NCAPD2: variants seen among roughly 807,000 people sequenced by gnomAD.
NCAPD2 encodes the protein condensin complex subunit 1.
A neutral mutation model predicts 164.5 loss-of-function variants in NCAPD2; 100 were observed. That is an observed-to-expected ratio of 0.61 (90% CI 0.52 to 0.72). The LOEUF (loss-of-function observed/expected upper bound fraction) is 0.72, where lower values mean the gene tolerates loss of function less well. NCAPD2 is among the 30% of genes least tolerant of loss of function. NCAPD2 has a pLI of 0.00. For missense variants in NCAPD2, 1,560 were observed against 1,749.2 expected, an observed-to-expected ratio of 0.89 and a Z score of 1.93; for synonymous variants, 585 against 642.6, an observed-to-expected ratio of 0.91 and a Z score of 1.36.
chr12:6,525,570 C>T lies in NCAPD2; in HGVS notation c.2215-13C>T, dbSNP rs774484764. 1.8e-5 allele frequency: 29 copies of T among 1,584,220 alleles called. No homozygotes were observed. Among genetic ancestry groups the T allele is most frequent in the Middle Eastern group, 1.7e-4 (1 of 5,964 alleles). ...TTCATTTTTGGCTTGAGCCCTTTTT[C>T]TTTTCTCTTTAGCTCTGTGAGTTTG... On this transcript the variant is annotated splice_polypyrimidine_tract_variant and intron_variant, in intron 17 of 31. Transcript: ENST00000315579.
intron 2 of NCAPD2, among the ~76,000 whole-genome samples, chr12:6,503,559 C>G (rs1343152165): frequency 6.6e-6 from 1 of 152,038 alleles, no homozygotes; most frequent in Non-Finnish European, 1.5e-5. Flanking sequence ...ATCACAAGGT[C>G]AGGAGTTCGA....
chr12:6,519,134 C>T (rs1180260373), intron 13 of NCAPD2, among the ~76,000 whole-genome samples: 2 of 152,176 alleles, frequency 1.3e-5, no homozygotes, highest in African/African-American at 4.8e-5. Flanking sequence ...TCGTGATCCG[C>T]CTGCCTCGGC....
intron 17 of NCAPD2, among the ~76,000 whole-genome samples, chr12:6,524,089 A>G (rs189865599): frequency 2.8e-4 from 43 of 152,318 alleles, no homozygotes; most frequent in African/African-American, 9.6e-4. Context: ...AAAGTTTGAG[A>G]TTCAAACTCA....
intron 2 of NCAPD2, 49 bp from the exon 3 acceptor site, chr12:6,509,668 A>C: frequency 3.2e-6 from 5 of 1,547,364 alleles, no homozygotes; most frequent in Non-Finnish European, 4.5e-6. Context: ...GAATTTACTG[A>C]AAAGGTTTCT....
intron 2 of NCAPD2, among the ~76,000 whole-genome samples, chr12:6,505,817 A>C (rs148864737): frequency 3.9e-4 from 58 of 148,598 alleles, no homozygotes; most frequent in Admixed American, 1.4e-3. Flanking sequence ...GTGAGCTGAG[A>C]TTGTGTCACT....
At chr12:6,514,202 A>G in intron 6 of NCAPD2, 63 bp from the exon 7 acceptor site, 1 of 1,601,954 alleles carries the variant, frequency 6.2e-7, no homozygotes, top group Non-Finnish European at 8.5e-7. Context: ...TGAATGAGGC[A>G]GGGCTCTGAT....
In NCAPD2 at chr12:6,514,901, T is replaced by C; in HGVS notation, c.968T>C (p.Leu323Pro). ...AILMSSMCIL[L>P]DHLDGENYMM... is the part of the protein sequence containing the mutation. ...CTGATGTCCAGCATGTGCATTTTGC[T>C]AGATCACCTGGATGGAGAAGTAGGT... The change falls in exon 9 of 32, where the codon CTA becomes CCA. Residue 323 changes from leucine to proline, a missense_variant. Coordinates refer to ENST00000315579, the MANE Select transcript of NCAPD2 (RefSeq NM_014865.4). The C allele has an allele frequency of 6.2e-7, 1 of 1,614,232 alleles. No individual in the cohort carries two copies.
At chr12:6,520,180 C>CCA in intron 13 of NCAPD2, among the ~76,000 whole-genome samples, 1 of 112,328 alleles carries the variant, frequency 8.9e-6, no homozygotes, top group South Asian at 2.5e-4. Context: ...GACTCTGTCT[C>CCA]TAAAAAAAAA....
In NCAPD2 at chr12:6,527,951, A is replaced by C; in HGVS notation, c.3020-17A>C. The C allele has an allele frequency of 6.2e-7, 1 of 1,614,232 alleles. No homozygotes were observed. Among genetic ancestry groups the C allele is most frequent in the African/African-American group, 1.3e-5 (1 of 75,066 alleles). Reference sequence around the variant, plus strand: ...TTAAGATAACCTGTCCCAAACCTGCAGTTACTCTTCCAACAGGCAAACAGA... The same window carrying C: ...TTAAGATAACCTGTCCCAAACCTGCCGTTACTCTTCCAACAGGCAAACAGA... On this transcript the variant is annotated splice_polypyrimidine_tract_variant and intron_variant, in intron 23 of 31. Transcript: ENST00000315579.
rs149932087 is a variant in NCAPD2 at position 6,516,067 on chromosome 12, G to A, written c.988-761G>A. Among the ~76,000 whole-genome samples, 433 of 151,592 alleles carry A rather than the reference G, an allele frequency of 2.9e-3. 16 individuals carry two copies. The East Asian group carries it at 0.068, about 24-fold the overall frequency. ...AAAAATTAGCTGGGTGTGGTGGCGCGCACCTGTAATCCTAGCTACTCGGGA... is the reference window on the plus strand; with the variant it reads ...AAAAATTAGCTGGGTGTGGTGGCGCACACCTGTAATCCTAGCTACTCGGGA... On this transcript the variant is annotated intron_variant, in intron 9 of 31. Coordinates refer to ENST00000315579, the MANE Select transcript of NCAPD2 (RefSeq NM_014865.4).
In NCAPD2 at chr12:6,522,989, G is replaced by A. The variant is rs1003337409; in HGVS notation, c.2116G>A (p.Gly706Arg). 1.2e-6 allele frequency: 2 copies of A among 1,614,048 alleles called. No individual in the cohort carries two copies. The highest frequency in any genetic ancestry group is 1.3e-5 in the African/African-American group (1 of 74,908). The change falls in exon 16 of 32, where the codon GGG (glycine) becomes AGG (arginine). Residue 706 changes from glycine (G) to arginine (R), a missense_variant. Coordinates refer to ENST00000315579, the MANE Select transcript of NCAPD2 (RefSeq NM_014865.4). ...AYRQLYLNPK[G>R]DSARAKAQAL... ...CCGCCAACTCTACCTCAACCCCAAA[G>A]GGGACTCTGCCAGGTATATGGGGTG...
chr12:6,521,250 T>C (rs912276806), intron 14 of NCAPD2, 140 bp downstream of exon 14: 1 of 1,077,016 alleles, frequency 9.3e-7, no homozygotes, highest in Non-Finnish European at 1.3e-6. Context: ...ACTTTTGCTC[T>C]GGAATGGAAG....
In NCAPD2 at chr12:6,514,594, C is replaced by T. The variant is rs187721028; in HGVS notation, c.839+7C>T. 131 of 1,614,154 alleles carry T rather than the reference C, an allele frequency of 8.1e-5. No homozygotes were observed. Among genetic ancestry groups the T allele is most frequent in the Admixed American group, 5.5e-4 (33 of 60,020 alleles). ...TAGTGGGAGAGATTGTAAGGTGACT[C>T]TTCCTTCTCGAAGTTTCTCATGCTT... is the stretch of plus-strand genomic sequence containing the variant. On this transcript the variant is annotated splice_region_variant and intron_variant, in intron 8 of 31. Coordinates refer to ENST00000315579, the MANE Select transcript of NCAPD2 (RefSeq NM_014865.4).
chr12:6,522,099 T>A (rs550935479), intron 15 of NCAPD2, 62 bp downstream of exon 15: 15 of 1,548,638 alleles, frequency 9.7e-6, no homozygotes, highest in Middle Eastern at 1.7e-4. Context: ...TTTAATTTTT[T>A]AAATTTTTAT....
rs1428920182 is a variant in NCAPD2, at chr12:6,530,760, C to G, written c.3907C>G (p.Leu1303Val). 2 of 1,614,198 alleles carry G rather than the reference C, an allele frequency of 1.2e-6. No individual in the cohort carries two copies. Among genetic ancestry groups the G allele is most frequent in the Middle Eastern group, 1.6e-4 (1 of 6,062 alleles). The change falls in exon 30 of 32, where the codon CTT becomes GTT. Residue 1303 changes from leucine (L) to valine (V), a missense_variant. Transcript: ENST00000315579. ...HTRGLDGIKE[L>V]EIGQAGSQRA... ...CAGAGGTTTGGATGGAATCAAGGAG[C>G]TTGAGATTGGCCAAGCAGGTAGCCA...
In NCAPD2 at chr12:6,510,152, G is replaced by A. The variant is rs368226078; in HGVS notation, c.262+19G>A. 22 of 1,591,714 alleles carry A rather than the reference G, an allele frequency of 1.4e-5. No homozygotes were observed. Among genetic ancestry groups the A allele is most frequent in the Non-Finnish European group, 1.8e-5 (21 of 1,159,820 alleles). ...ATAAAAGGTGTTTATGGGTCAGGGG[G>A]TAGGGGATGGAAGGTGTTTGTTATC... On this transcript the variant is annotated intron_variant, in intron 4 of 31. Coordinates refer to ENST00000315579, the MANE Select transcript of NCAPD2 (RefSeq NM_014865.4).
intron 17 of NCAPD2, among the ~76,000 whole-genome samples, chr12:6,524,648 C>CAAA (rs35443041): frequency 4.8e-4 from 32 of 66,372 alleles, no homozygotes; most frequent in South Asian, 1.2e-3. Flanking sequence ...GACTCTGTCT[C>CAAA]AAAAAAAAAA....
rs955506135 is a variant in NCAPD2 at position 6,525,724 on chromosome 12, T to C, written c.2348+8T>C. The C allele has an allele frequency of 6.2e-7, 1 of 1,612,122 alleles. No homozygotes were observed. The highest frequency in any genetic ancestry group is 2.2e-5 in the East Asian group (1 of 44,824). On this transcript the variant is annotated splice_region_variant and intron_variant, in intron 18 of 31. Transcript: ENST00000315579. ...TCTTGGCATGATGGCACGGTGAGGC[T>C]CAAATCTAGCAGGCAATGGGGTGGG... is the stretch of plus-strand genomic sequence containing the variant.
chr12:6,529,896 A>G lies in NCAPD2; in HGVS notation c.3775A>G (p.Ile1259Val), dbSNP rs367748817. ...TGGAGACAAACTGTCAGATGAGTCC[A>G]TCTTCAGTGCTTTTTTGTCAGTTGT... ...CFGDKLSDES[I>V]FSAFLSVVGK... Residue 1259 changes from isoleucine (I) to valine (V), a missense_variant, in exon 29 of 32, where the codon ATC (isoleucine) becomes GTC (valine). Ile to Val is a conservative substitution (Grantham distance 29, BLOSUM62 3). Coordinates refer to ENST00000315579, the MANE Select transcript of NCAPD2 (RefSeq NM_014865.4). The G allele has an allele frequency of 3.7e-6, 6 of 1,614,154 alleles. No individual in the cohort carries two copies. In the African/African-American group the frequency reaches 8.0e-5, roughly 22 times the overall value.
Sources: gnomAD v4.1 joint callset for allele counts (sites outside exome capture counted in the v4.1 genomes callset) on GRCh38, gnomAD v4.1.1 for gene constraint, MANE v1.5 for transcripts, NCBI Gene and HGNC (gene_info 2026-07-23, HGNC 2026-07-21) for gene names.